MYH15: variants seen among roughly 807,000 people sequenced by gnomAD.
MYH15 encodes myosin heavy chain 15.
In MYH15, 227 loss-of-function variants were observed where a neutral mutation model predicts 240.5. That is an observed-to-expected ratio of 0.94 (90% CI 0.85 to 1.05). The LOEUF (loss-of-function observed/expected upper bound fraction) is 1.05. Ranked by LOEUF, MYH15 falls within the 50% of genes least tolerant of loss-of-function variation. The pLI is 0.00. For synonymous variants in MYH15, 785 were observed against 796.7 expected, an observed-to-expected ratio of 0.99 and a Z score of 0.25; for missense variants, 2,217 against 2,247.5, an observed-to-expected ratio of 0.99 and a Z score of 0.27.
intron 1 of MYH15, among the ~76,000 whole-genome samples, chr3:108,528,823 G>A (rs1478784742): frequency 6.6e-6 from 1 of 152,062 alleles, no homozygotes; most frequent in East Asian, 1.9e-4. Context: ...TTTGCCTTGG[G>A]GTTGGTCCCA....
chr3:108,456,684 C>T, intron 19 of MYH15, 82 bp downstream of exon 19: 2 of 988,306 alleles, frequency 2.0e-6, no homozygotes, highest in Non-Finnish European at 1.6e-6. Context: ...ACCAAACAAA[C>T]AATGCATGCC....
chr3:108,415,937 G>A (rs759003119), intron 29 of MYH15, among the ~76,000 whole-genome samples: 2 of 152,142 alleles, frequency 1.3e-5, no homozygotes, highest in Non-Finnish European at 2.9e-5. Flanking sequence ...TTCACTATGC[G>A]TTTAAGTTCC....
At chr3:108,528,259 G>A (rs1355683270) in intron 1 of MYH15, among the ~76,000 whole-genome samples, 1 of 151,958 alleles carries the variant, frequency 6.6e-6, no homozygotes, top group East Asian at 1.9e-4. Flanking sequence ...TTAATAAATA[G>A]AAAAAAATAA....
At chr3:108,530,428 T>C (rs1347215793), upstream of MYH15, among the ~76,000 whole-genome samples, 2 of 151,864 alleles carry the variant, frequency 1.3e-5, no homozygotes, top group African/African-American at 4.8e-5. Flanking sequence ...TTCCAGGGAG[T>C]TGTGAAGAGG....
chr3:108,430,793 C>G (rs893542983), intron 26 of MYH15, 39 bp downstream of exon 26: 1 of 1,482,296 alleles, frequency 6.7e-7, no homozygotes, highest in African/African-American at 1.4e-5. Context: ...ACCCATGGAT[C>G]TAAATATAAA....
chr3:108,511,656 G>C (rs1320092340), upstream of MYH15, among the ~76,000 whole-genome samples: 2 of 152,146 alleles, frequency 1.3e-5, no homozygotes, highest in African/African-American at 4.8e-5. Context: ...AAGCATGCAA[G>C]GCAAGTGTTA....
chr3:108,507,016 G>A (rs1293898168), intron 1 of MYH15, among the ~76,000 whole-genome samples: 1 of 152,040 alleles, frequency 6.6e-6, no homozygotes, highest in Non-Finnish European at 1.5e-5. Flanking sequence ...GGGTGACAGA[G>A]TGATACTCTA....
At position 108,461,145 on chromosome 3, in the gene MYH15, G is replaced by T. The variant is rs181895810; in HGVS notation, c.1865-778C>A. Among the ~76,000 whole-genome samples the T allele has an allele frequency of 8.5e-5, 13 of 152,270 alleles. No homozygotes were observed. In the East Asian group the frequency reaches 2.5e-3, roughly 29 times the overall value. On this transcript the variant is annotated intron_variant, in intron 16 of 40. Transcript: ENST00000693548. ...AACAACAAAATCCATAGGCAAGCTG[G>T]ACAGAATAGGGTAGCTGTCAATATG...
chr3:108,439,672 G>GT (rs2107567684), intron 24 of MYH15, 65 bp downstream of exon 24: 7 of 1,292,092 alleles, frequency 5.4e-6, no homozygotes, highest in Non-Finnish European at 7.1e-6. Flanking sequence ...AATTAATGAA[G>GT]TAAAAACTGG....
At chr3:108,536,994 C>T in the MYH15 span, among the ~76,000 whole-genome samples, 1 of 152,188 alleles carries the variant, frequency 6.6e-6, no homozygotes, top group Admixed American at 6.5e-5. Context: ...GTGGCAAATA[C>T]ACTGGATAGT....
intron 40 of MYH15, among the ~76,000 whole-genome samples, chr3:108,381,875 C>T (rs1373467151): frequency 6.6e-6 from 1 of 152,186 alleles, no homozygotes; most frequent in Non-Finnish European, 1.5e-5. Flanking sequence ...GCTCCCCAGC[C>T]CTGACACAGA....
At chr3:108,445,606 C>T (rs1353477881) in intron 21 of MYH15, among the ~76,000 whole-genome samples, 1 of 151,796 alleles carries the variant, frequency 6.6e-6, no homozygotes, top group Non-Finnish European at 1.5e-5. Context: ...AACCCAAGCA[C>T]CAGAAGTTCT....
intron 36 of MYH15, 71 bp downstream of exon 36, chr3:108,393,959 TG>T (rs1156341363): frequency 1.3e-6 from 2 of 1,599,384 alleles, no homozygotes; most frequent in African/African-American, 2.7e-5. Context: ...GCTGCAGATG[TG>T]GCCCTGCCCC....
At chr3:108,466,137 G>C (rs2083115136) in intron 14 of MYH15, among the ~76,000 whole-genome samples, 1 of 152,176 alleles carries the variant, frequency 6.6e-6, no homozygotes, top group African/African-American at 2.4e-5. Context: ...CTGCAGGCTA[G>C]ATTGGGTCCA....
At chr3:108,400,765 C>T (rs1184356337) in intron 33 of MYH15, among the ~76,000 whole-genome samples, 1 of 152,074 alleles carries the variant, frequency 6.6e-6, no homozygotes, top group African/African-American at 2.4e-5. Flanking sequence ...GCCAAGTTTG[C>T]ACCACTGCAC....
chr3:108,486,584 A>T (rs151176483), intron 9 of MYH15, 58 bp from the exon 10 acceptor site: 12 of 1,177,642 alleles, frequency 1.0e-5, no homozygotes, highest in Non-Finnish European at 1.4e-5. Context: ...GCCTTAGAAA[A>T]TAATTGGTCA....
intron 38 of MYH15, among the ~76,000 whole-genome samples, chr3:108,387,505 T>C (rs2082392585): frequency 6.6e-6 from 1 of 152,314 alleles, no homozygotes; most frequent in South Asian, 2.1e-4. Flanking sequence ...AGAACAAGAA[T>C]GCATTCCTTG....
In MYH15 at chr3:108,410,659, G is replaced by A. The variant is rs1247250032; in HGVS notation, c.4419C>T (p.Leu1473=). ...CCTCATAGGTGTTCTTGAGCTTGAG[G>A]AGCTCTGTACTGAGAGCCTGAACTT... ...QKEVQALSTE[L]LKLKNTYEES... Residue 1473 remains leucine, a synonymous_variant, in exon 31 of 41, where the codon CTC becomes CTT. Coordinates refer to ENST00000693548, the MANE Select transcript of MYH15 (RefSeq NM_014981.3). The A allele has an allele frequency of 3.7e-6, 6 of 1,614,008 alleles. No homozygotes were observed. The highest frequency in any genetic ancestry group is 1.7e-5 in the Admixed American group (1 of 60,000).
chr3:108,405,377 C>A lies in MYH15; in HGVS notation c.4697G>T (p.Arg1566Ile). The stretch of plus-strand genomic sequence containing the variant: ...TTCTTCATCTTTCTCTGAAAGCTTT[C>A]TTTCAAGTTCTGCTTTAGCTTCCAA... ...ELLEAKAELE[R>I]KLSEKDEEIE... The change falls in exon 33 of 41, where the codon AGA becomes ATA. Residue 1566 changes from arginine to isoleucine, a missense_variant. By Grantham distance (97) the Arg-to-Ile change is moderately conservative (BLOSUM62 -3). Transcript: ENST00000693548. The A allele has an allele frequency of 6.6e-7, 1 of 1,514,888 alleles. No homozygotes were observed. The highest frequency in any genetic ancestry group is 1.4e-5 in the African/African-American group (1 of 73,702). 93.8% of individuals were successfully genotyped at this position (1,514,888 alleles called of 1,614,324 possible).
Sources: gnomAD v4.1 joint callset for allele counts (sites outside exome capture counted in the v4.1 genomes callset) on GRCh38, gnomAD v4.1.1 for gene constraint, MANE v1.5 for transcripts, NCBI Gene and HGNC (gene_info 2026-07-23, HGNC 2026-07-21) for gene names.